The following GPR22 variants were observed in gnomAD, a reference collection of about 807,000 sequenced individuals.
The protein encoded by GPR22 is G protein-coupled receptor 22.
Under a neutral mutation model 31.0 loss-of-function variants are expected in GPR22, and 13 were observed. The observed-to-expected ratio is 0.42, with a 90% CI of 0.27 to 0.67. GPR22 has a LOEUF of 0.67. GPR22 is among the 30% of genes least tolerant of loss of function. GPR22 has a pLI of 0.25. For missense variants in GPR22, 368 were observed against 509.6 expected, an observed-to-expected ratio of 0.72 and a Z score of 2.67; for synonymous variants, 191 against 173.4, an observed-to-expected ratio of 1.10 and a Z score of -0.80.
chr7:107,477,324 T>A (rs1009138838), downstream of GPR22, among the ~76,000 whole-genome samples: 1 of 151,708 alleles, frequency 6.6e-6, no homozygotes, highest in African/African-American at 2.4e-5. Flanking sequence ...TCAATAAAAA[T>A]TAGACTATTT....
rs544791739 is a variant in GPR22, at chr7:107,473,803, A to C, written c.-26-232A>C. Among the ~76,000 whole-genome samples, 39 of 152,110 alleles carry C rather than the reference A, an allele frequency of 2.6e-4. 1 individual carries two copies. The South Asian group carries it at 7.2e-3, about 28-fold the overall frequency. On this transcript the variant is annotated intron_variant, in intron 2 of 2. Coordinates refer to ENST00000304402, the MANE Select transcript of GPR22 (RefSeq NM_005295.3). ...AAGCCCTTTAGCATATTAACTTTGCACTACAGAGGAACAATTTCCATAGTT... is the reference window on the plus strand; with the variant it reads ...AAGCCCTTTAGCATATTAACTTTGCCCTACAGAGGAACAATTTCCATAGTT...
At position 107,474,871 on chromosome 7, in the gene GPR22, A is replaced by G; in HGVS notation, c.811A>G (p.Met271Val). The G allele has an allele frequency of 6.2e-7, 1 of 1,613,290 alleles. No individual in the cohort carries two copies. Among genetic ancestry groups the G allele is most frequent in the Non-Finnish European group, 8.5e-7 (1 of 1,179,540 alleles). ...AACCACACAACATGAGGCTACAGAC[A>G]TGTCACAAAGCAGTGGTGGGAGAAA... ...SLTTQHEATDMSQSSGGRNVV... is the reference protein window; with the variant it reads ...SLTTQHEATDVSQSSGGRNVV... Residue 271 changes from methionine to valine, a missense_variant, in exon 3 of 3, where the codon ATG (methionine) becomes GTG (valine). Transcript: ENST00000304402. The surrounding 1 kb of genome is among the most constrained non-coding windows in gnomAD (Gnocchi z 5.7).
In GPR22 at chr7:107,475,671, TA is replaced by T. The variant is rs1045260856; in HGVS notation, c.*313del. On this transcript the variant is annotated 3_prime_UTR_variant, in exon 3 of 3. Transcript: ENST00000304402. ...ATAGCCTTAAAACAGTGTATAACTT[TA>T]AAATGTAACTGACATAGGTATCCTT... is the stretch of plus-strand genomic sequence containing the variant. 2.4e-5 allele frequency: 5 copies of T among 211,350 alleles called. No individual in the cohort carries two copies. Among genetic ancestry groups the T allele is most frequent in the Admixed American group, 5.8e-5 (1 of 17,170 alleles). 13.1% of individuals were successfully genotyped at this position (211,350 alleles called of 1,614,324 possible). A position where few individuals can be genotyped will look rare whatever the true frequency, so the allele number is the denominator to read the frequency against.
At chr7:107,476,199 A>G (rs1796980496), downstream of GPR22, among the ~76,000 whole-genome samples, 1 of 148,300 alleles carries the variant, frequency 6.7e-6, no homozygotes, top group South Asian at 2.1e-4. Context: ...AAAAAAAAAA[A>G]AAAAAAAAGA....
rs1796671368 is a variant in GPR22, at chr7:107,472,133, C to T, written c.-196C>T. On this transcript the variant is annotated 5_prime_UTR_variant, in exon 2 of 3. Coordinates refer to ENST00000304402, the MANE Select transcript of GPR22 (RefSeq NM_005295.3). ...ATAATTCCTATCATCTGAGGAAATT[C>T]CTCTTGGCCGTGACTTTTTAAAGCA... 6.6e-6 allele frequency: 1 copy of T among 151,976 alleles called. No individual in the cohort carries two copies. Among genetic ancestry groups the T allele is most frequent in the South Asian group, 2.1e-4 (1 of 4,828 alleles). The allele number at this position is 151,976 out of a possible 1,614,324, so 9.4% of individuals were successfully genotyped here.
chr7:107,474,715 A>G lies in GPR22; in HGVS notation c.655A>G (p.Ile219Val). 2 of 1,611,526 alleles carry G rather than the reference A, an allele frequency of 1.2e-6. No homozygotes were observed. The highest frequency in any genetic ancestry group is 4.5e-5 in the East Asian group (2 of 44,784). The change falls in exon 3 of 3, where the codon ATA becomes GTA. Residue 219 changes from isoleucine to valine, a missense_variant. Transcript: ENST00000304402. This position sits in a 1 kb window ranked among gnomAD's most constrained non-coding sequence, Gnocchi z 5.7. ...TTATCACCTGTTAGTACAGATCCCA[A>G]TATTCTTTTTCACTGTTGTAGTAAT... ...MYYHLLVQIP[I>V]FFFTVVVMLI... is the part of the protein sequence containing the mutation.
chr7:107,476,210 A>C (rs1285832662), downstream of GPR22, among the ~76,000 whole-genome samples: 1 of 148,670 alleles, frequency 6.7e-6, no homozygotes, highest in Admixed American at 6.7e-5. Context: ...AAAAAAAAGA[A>C]CAGTACATCA....
chr7:107,476,376 G>C (rs1296067708), downstream of GPR22, among the ~76,000 whole-genome samples: 1 of 150,750 alleles, frequency 6.6e-6, no homozygotes, highest in Admixed American at 6.6e-5. Context: ...TACAACTTTA[G>C]GGTAATACAC....
downstream of GPR22, among the ~76,000 whole-genome samples, chr7:107,476,874 A>T (rs1263758633): frequency 6.6e-6 from 1 of 151,722 alleles, no homozygotes; most frequent in African/African-American, 2.4e-5. Context: ...TAGTTTACTG[A>T]ATACCCTAAT....
intron 2 of GPR22, chr7:107,472,643 C>T (rs1235430863): frequency 2.0e-5 from 3 of 151,832 alleles, no homozygotes; most frequent in South Asian, 4.2e-4. Context: ...TTAACTTACT[C>T]GAATAAATAT....
At chr7:107,477,793 G>A (rs1016362830), downstream of GPR22, among the ~76,000 whole-genome samples, 8 of 151,868 alleles carry the variant, frequency 5.3e-5, no homozygotes, top group African/African-American at 1.2e-4. Context: ...ATGTGAGAAT[G>A]AGAAGCTTAG....
Position 107,471,997 on chromosome 7 carries a change from A to T in GPR22, c.-332A>T, listed in dbSNP as rs1796661388. ...TTAAAAACAGATTTACAATGGTAAC[A>T]AAAGGATGTCTAAATATATTTTAGA... On this transcript the variant is annotated 5_prime_UTR_variant, in exon 2 of 3. Transcript: ENST00000304402. 1 of 152,054 alleles carries T rather than the reference A, an allele frequency of 6.6e-6. No individual in the cohort carries two copies. Among genetic ancestry groups the T allele is most frequent in the Non-Finnish European group, 1.5e-5 (1 of 67,942 alleles). The allele number at this position is 152,054 out of a possible 1,614,324, so 9.4% of individuals were successfully genotyped here.
intron 2 of GPR22, among the ~76,000 whole-genome samples, chr7:107,473,230 T>G (rs1279070626): frequency 6.6e-6 from 1 of 151,944 alleles, no homozygotes; most frequent in Non-Finnish European, 1.5e-5. Context: ...TTTCTTAATG[T>G]GATATTAAAT....
In GPR22 at chr7:107,475,312, G is replaced by C; in HGVS notation, c.1252G>C (p.Asp418His). The change falls in exon 3 of 3, where the codon GAT (aspartate) becomes CAT (histidine). Residue 418 changes from aspartate to histidine, a missense_variant. Physicochemically the swap from Asp to His is moderately conservative, Grantham distance 81. Transcript: ENST00000304402. ...AAGAAACAAAAAAATTACCTTTGAA[G>C]ATAGTGAAATAAGAGAAAAATGTTT... ...PKRNKKITFEDSEIREKCLVP... is the reference protein window; with the variant it reads ...PKRNKKITFEHSEIREKCLVP... 1.3e-6 allele frequency: 2 copies of C among 1,579,136 alleles called. No individual in the cohort carries two copies. The highest frequency in any genetic ancestry group is 1.2e-5 in the South Asian group (1 of 84,108).
rs980170234 is a variant in GPR22, at chr7:107,473,997, G to C, written c.-26-38G>C. The C allele has an allele frequency of 1.4e-5, 11 of 801,234 alleles. No homozygotes were observed. The Admixed American group carries it at 3.0e-4, about 22-fold the overall frequency. The allele number at this position is 801,234 out of a possible 1,614,324, so 49.6% of individuals were successfully genotyped here. A position where few individuals can be genotyped will look rare whatever the true frequency, so the allele number is the denominator to read the frequency against. ...GAACACGTTATACGTCATTTAAATT[G>C]CCAAATATCAAATAGTTTATTCTAT... is the stretch of plus-strand genomic sequence containing the variant. On this transcript the variant is annotated intron_variant, in intron 2 of 2. Coordinates refer to ENST00000304402, the MANE Select transcript of GPR22 (RefSeq NM_005295.3).
Position 107,474,184 on chromosome 7 carries a change from G to T in GPR22, c.124G>T (p.Val42Leu). ...QPLSYPLSFQVSLTGFLMLEI... is the reference protein window; with the variant it reads ...QPLSYPLSFQLSLTGFLMLEI... ...ACTATCATATCCGTTAAGCTTTCAA[G>T]TGTCTCTCACCGGATTTCTTATGTT... The change falls in exon 3 of 3, where the codon GTG becomes TTG. Residue 42 changes from valine (V) to leucine (L), a missense_variant. Transcript: ENST00000304402. This position sits in a 1 kb window ranked among gnomAD's most constrained non-coding sequence, Gnocchi z 5.7. 1 of 1,612,734 alleles carries T rather than the reference G, an allele frequency of 6.2e-7. No homozygotes were observed. Among genetic ancestry groups the T allele is most frequent in the Admixed American group, 1.7e-5 (1 of 59,928 alleles).
Position 107,471,635 on chromosome 7 carries a change from G to A in GPR22, c.-694G>A, listed in dbSNP as rs1463829649. Reference sequence around the variant, plus strand: ...AAGCCTGAAAAGAATTTTTAAAAGGGGAAGTTTATACTTTCATATACCAGA... The same window carrying A: ...AAGCCTGAAAAGAATTTTTAAAAGGAGAAGTTTATACTTTCATATACCAGA... On this transcript the variant is annotated 5_prime_UTR_variant, in exon 2 of 3. Coordinates refer to ENST00000304402, the MANE Select transcript of GPR22 (RefSeq NM_005295.3). 1.3e-5 allele frequency: 2 copies of A among 151,896 alleles called. No individual in the cohort carries two copies. The highest frequency in any genetic ancestry group is 4.8e-5 in the African/African-American group (2 of 41,386). 9.4% of individuals were successfully genotyped at this position (151,896 alleles called of 1,614,324 possible).
At chr7:107,476,063 A>C (rs1050550002), downstream of GPR22, among the ~76,000 whole-genome samples, 1 of 151,178 alleles carries the variant, frequency 6.6e-6, no homozygotes, top group African/African-American at 2.4e-5. Flanking sequence ...GTATGCCTAT[A>C]ATATACAAAT....
chr7:107,474,009 ATAGTT>A lies in GPR22; in HGVS notation c.-26-23_-26-19del. On this transcript the variant is annotated intron_variant, in intron 2 of 2. Transcript: ENST00000304402. This position sits in a 1 kb window ranked among gnomAD's most constrained non-coding sequence, Gnocchi z 5.7. ...CGTCATTTAAATTGCCAAATATCAAATAGTTTATTCTATTTCACTTTCTAGGGAAA... is the reference window on the plus strand; with the variant it reads ...CGTCATTTAAATTGCCAAATATCAAATATTCTATTTCACTTTCTAGGGAAA... 2.2e-6 allele frequency: 2 copies of A among 913,228 alleles called. No individual in the cohort carries two copies. The highest frequency in any genetic ancestry group is 3.4e-6 in the Non-Finnish European group (2 of 592,170). The allele number at this position is 913,228 out of a possible 1,614,324, so 56.6% of individuals were successfully genotyped here.
Sources: allele counts gnomAD v4.1 joint callset (sites outside exome capture counted in the v4.1 genomes callset), GRCh38; gene constraint gnomAD v4.1.1; non-coding constraint Gnocchi (gnomAD v3.1); transcripts MANE v1.5; gene names NCBI Gene and HGNC (gene_info 2026-07-23, HGNC 2026-07-21).